Variants in SEC61A2 observed in about 807,000 individuals in gnomAD.
The protein encoded by SEC61A2 is SEC61 translocon subunit alpha 2, also known as protein transport protein Sec61 subunit alpha isoform 2.
SEC61A2 carries 28 observed loss-of-function variants against 59.9 expected under a neutral mutation model. That is an observed-to-expected ratio of 0.47 (90% confidence interval 0.35 to 0.64). The LOEUF is 0.64. Ranked by LOEUF, SEC61A2 falls within the 30% of genes least tolerant of loss-of-function variation. The probability of loss-of-function intolerance (pLI) is 0.01; values close to 1 mark genes in which losing one functional copy is unlikely to be tolerated. For missense variants in SEC61A2, 340 were observed against 585.9 expected (o/e 0.58, Z 4.33); for synonymous variants, 202 against 214.4 (o/e 0.94, Z 0.50).
In SEC61A2 at chr10:12,165,137, T is replaced by C. The variant is rs772904670; in HGVS notation, c.*683T>C. The C allele has an allele frequency of 4.1e-5, 40 of 985,548 alleles. No homozygotes were observed. Among genetic ancestry groups the C allele is most frequent in the Non-Finnish European group, 4.6e-5 (38 of 829,994 alleles). The allele number at this position is 985,548 out of a possible 1,614,324, so 61.1% of individuals were successfully genotyped here. ...CATCGTGCTGTTTGCCTGTATTGGC[T>C]ATGCCTTCTAACTCCAACCAGTCAC... On this transcript the variant is annotated 3_prime_UTR_variant, in exon 12 of 12. Coordinates refer to ENST00000298428, the MANE Select transcript of SEC61A2 (RefSeq NM_018144.4).
At chr10:12,133,183 GAC>G (rs1833802736) in intron 1 of SEC61A2, 56 bp from the exon 2 acceptor site, 1 of 863,118 alleles carries the variant, frequency 1.2e-6, no homozygotes, top group Non-Finnish European at 1.8e-6. Context: ...TTTCTAGAAA[GAC>G]AGATCTTTTT....
In SEC61A2 at chr10:12,129,760, T is replaced by A; in HGVS notation, c.-28T>A. ...GCGAAGGCAGCGCCGAGGCCGCGGT[T>A]TCCCCCTGGGCCTCCCCAGCAGCAG... On this transcript the variant is annotated 5_prime_UTR_variant, in exon 1 of 12. Transcript: ENST00000298428. The surrounding 1 kb of genome is among the most constrained non-coding windows in gnomAD (Gnocchi z 5.6). 1 of 1,489,786 alleles carries A rather than the reference T, an allele frequency of 6.7e-7. No individual in the cohort carries two copies. Among genetic ancestry groups the A allele is most frequent in the Non-Finnish European group, 8.9e-7 (1 of 1,124,802 alleles). 92.3% of individuals were successfully genotyped at this position (1,489,786 alleles called of 1,614,324 possible).
At position 12,153,771 on chromosome 10, in the gene SEC61A2, G is replaced by C; in HGVS notation, c.463-2007G>C. 3.7e-6 allele frequency: 6 copies of C among 1,610,946 alleles called. No individual in the cohort carries two copies. The highest frequency in any genetic ancestry group is 5.1e-6 in the Non-Finnish European group (6 of 1,179,278). ...AACATTGAAAATATGTGGATACACT[G>C]AAGAGCTATGATTGGATCAGTGTGT... is the stretch of plus-strand genomic sequence containing the variant. On this transcript the variant is annotated intron_variant, in intron 6 of 11. Coordinates refer to ENST00000298428, the MANE Select transcript of SEC61A2 (RefSeq NM_018144.4). This position sits in a 1 kb window ranked among gnomAD's most constrained non-coding sequence, Gnocchi z 5.2.
At chr10:12,138,414 A>C (rs969285437) in intron 3 of SEC61A2, among the ~76,000 whole-genome samples, 2 of 152,176 alleles carry the variant, frequency 1.3e-5, no homozygotes, top group Admixed American at 1.3e-4. Context: ...AGTAAAGTAC[A>C]CCTGTTTTTA....
In SEC61A2 at chr10:12,165,323, A is replaced by C; in HGVS notation, c.*869A>C. 1.0e-6 allele frequency: 1 copy of C among 984,182 alleles called. No homozygotes were observed. The highest frequency in any genetic ancestry group is 1.2e-6 in the Non-Finnish European group (1 of 828,738). 61.0% of individuals were successfully genotyped at this position (984,182 alleles called of 1,614,324 possible). A position where few individuals can be genotyped will look rare whatever the true frequency, so the allele number is the denominator to read the frequency against. On this transcript the variant is annotated 3_prime_UTR_variant, in exon 12 of 12. Transcript: ENST00000298428. ...CTGTTGTTGTACTCACAGCAGCAAC[A>C]TGAGTGTAAACAGTAGACAATAAAC...
intron 3 of SEC61A2, among the ~76,000 whole-genome samples, chr10:12,136,947 G>A (rs2131646935): frequency 6.6e-6 from 1 of 152,196 alleles, no homozygotes; most frequent in African/African-American, 2.4e-5. Flanking sequence ...TGTATTTTTA[G>A]TAGAGATGGG....
intron 4 of SEC61A2, among the ~76,000 whole-genome samples, chr10:12,146,571 G>A (rs922517947): frequency 1.3e-5 from 2 of 151,842 alleles, no homozygotes; most frequent in African/African-American, 2.4e-5. Flanking sequence ...AGGCTGGAGT[G>A]CAGTGGCGCG....
At chr10:12,157,753 G>A (rs533557702) in intron 8 of SEC61A2, among the ~76,000 whole-genome samples, 155 bp from the exon 9 acceptor site, 6 of 152,090 alleles carry the variant, frequency 3.9e-5, no homozygotes, top group Admixed American at 1.3e-4. Flanking sequence ...TGCCCGCCTC[G>A]GCCTCCCAAA....
rs529401603 is a variant in SEC61A2 at position 12,162,037 on chromosome 10, C to T, written c.1168-176C>T. The stretch of plus-strand genomic sequence containing the variant: ...CCGGTTTCATATGGGTAACATGGAG[C>T]GGAGGAGCACTGAAGCTTTGGTTTC... On this transcript the variant is annotated intron_variant, in intron 10 of 11. Transcript: ENST00000298428. This position sits in a 1 kb window ranked among gnomAD's most constrained non-coding sequence, Gnocchi z 6.1. Among the ~76,000 whole-genome samples, 95 of 152,168 alleles carry T rather than the reference C, an allele frequency of 6.2e-4. No individual in the cohort carries two copies. The highest frequency in any genetic ancestry group is 2.2e-3 in the African/African-American group (91 of 41,508).
At chr10:12,165,760 A>G (rs1010490172), downstream of SEC61A2, 1 of 152,216 alleles carries the variant, frequency 6.6e-6, no homozygotes, top group Non-Finnish European at 1.5e-5. Flanking sequence ...TAGGTGTGGT[A>G]TGTCTTACGT....
intron 3 of SEC61A2, among the ~76,000 whole-genome samples, chr10:12,136,568 G>T (rs1390530445): frequency 1.3e-5 from 2 of 152,060 alleles, no homozygotes; most frequent in Non-Finnish European, 2.9e-5. Flanking sequence ...TCTTCCTTGG[G>T]CTCCCAAGTA....
In SEC61A2 at chr10:12,129,701, G is replaced by A. The variant is rs1833680215; in HGVS notation, c.-87G>A. On this transcript the variant is annotated 5_prime_UTR_variant, in exon 1 of 12. Transcript: ENST00000298428. The surrounding 1 kb of genome is among the most constrained non-coding windows in gnomAD (Gnocchi z 5.6). ...CGCGGGGCCGGTAGGATCGCGTCGG[G>A]AGCCGGTACCGAGGCCCGAGCCGCG... 1.5e-6 allele frequency: 2 copies of A among 1,316,060 alleles called. No individual in the cohort carries two copies. The highest frequency in any genetic ancestry group is 6.2e-5 in the East Asian group (2 of 32,408). The allele number at this position is 1,316,060 out of a possible 1,614,324, so 81.5% of individuals were successfully genotyped here. A position where few individuals can be genotyped will look rare whatever the true frequency, so the allele number is the denominator to read the frequency against.
In SEC61A2 at chr10:12,149,924, A is replaced by G; in HGVS notation, c.425A>G (p.Glu142Gly). The G allele has an allele frequency of 6.2e-7, 1 of 1,613,988 alleles. No individual in the cohort carries two copies. Among genetic ancestry groups the G allele is most frequent in the Non-Finnish European group, 8.5e-7 (1 of 1,179,832 alleles). The stretch of plus-strand genomic sequence containing the variant: ...ACGGGGATGTATGGGGACCCTGCAG[A>G]AATGGGTGCCGGAATCTGTCTCCTG... ...VMTGMYGDPAEMGAGICLLII... is the reference protein window; with the variant it reads ...VMTGMYGDPAGMGAGICLLII... The change falls in exon 6 of 12, where the codon GAA becomes GGA. Residue 142 changes from glutamate to glycine, a missense_variant. Around this residue, in one of 3 missense-constraint regions of SEC61A2, gnomAD observed 283 missense variants for 483.2 expected, o/e 0.59. Coordinates refer to ENST00000298428, the MANE Select transcript of SEC61A2 (RefSeq NM_018144.4). The surrounding 1 kb of genome is among the most constrained non-coding windows in gnomAD (Gnocchi z 5.2).
intron 3 of SEC61A2, among the ~76,000 whole-genome samples, chr10:12,137,405 G>A (rs1833914287): frequency 6.6e-6 from 1 of 151,896 alleles, no homozygotes; most frequent in Admixed American, 6.6e-5. Flanking sequence ...CCCAAGCCCG[G>A]GTGATCTTCC....
Position 12,156,066 on chromosome 10 carries a change from A to C in SEC61A2, c.616+135A>C. On this transcript the variant is annotated intron_variant, in intron 7 of 11. Coordinates refer to ENST00000298428, the MANE Select transcript of SEC61A2 (RefSeq NM_018144.4). The surrounding 1 kb of genome is among the most constrained non-coding windows in gnomAD (Gnocchi z 5.2). ...GGATAAGGAATGCGAATTCTTCAAA[A>C]CTTAATGAGCAGAGATTTGTGGAGT... 1 of 835,578 alleles carries C rather than the reference A, an allele frequency of 1.2e-6. No homozygotes were observed. The highest frequency in any genetic ancestry group is 3.6e-4 in the Middle Eastern group (1 of 2,748). The allele number at this position is 835,578 out of a possible 1,614,324, so 51.8% of individuals were successfully genotyped here.
Position 12,154,415 on chromosome 10 carries a change from A to G in SEC61A2, c.463-1363A>G, listed in dbSNP as rs1433992191. 6.6e-6 allele frequency among the ~76,000 whole-genome samples: 1 copy of G among 152,120 alleles called. No individual in the cohort carries two copies. Among genetic ancestry groups the G allele is most frequent in the Non-Finnish European group, 1.5e-5 (1 of 68,018 alleles). On this transcript the variant is annotated intron_variant, in intron 6 of 11. Coordinates refer to ENST00000298428, the MANE Select transcript of SEC61A2 (RefSeq NM_018144.4). This position sits in a 1 kb window ranked among gnomAD's most constrained non-coding sequence, Gnocchi z 5.2. ...GGGACTCTGGAGAGGTCATTTCTCA[A>G]GGCCCATCACGATGCTTTCTGTGGC...
Position 12,162,471 on chromosome 10 carries a change from A to G in SEC61A2, c.1244+182A>G, listed in dbSNP as rs776182809. ...ACCAACACCTGAATTTTTCATTGAA[A>G]TTGTGAGCACTGCTCTGCTCATCCC... On this transcript the variant is annotated intron_variant, in intron 11 of 11. Transcript: ENST00000298428. This position sits in a 1 kb window ranked among gnomAD's most constrained non-coding sequence, Gnocchi z 6.1. 17 of 753,564 alleles carry G rather than the reference A, an allele frequency of 2.3e-5. No homozygotes were observed. The Admixed American group carries it at 2.9e-4, about 13-fold the overall frequency. 46.7% of individuals were successfully genotyped at this position (753,564 alleles called of 1,614,324 possible).
intron 3 of SEC61A2, among the ~76,000 whole-genome samples, chr10:12,141,932 T>G (rs1031464208): frequency 6.6e-6 from 1 of 152,106 alleles, no homozygotes; most frequent in Non-Finnish European, 1.5e-5. Flanking sequence ...ATCCAGTTTG[T>G]CAGTAGAGGG....
intron 6 of SEC61A2, among the ~76,000 whole-genome samples, chr10:12,151,316 CTTT>C (rs532543581): frequency 1.4e-5 from 2 of 138,128 alleles, no homozygotes; most frequent in Non-Finnish European, 3.1e-5. Flanking sequence ...TTTTTCTTTT[CTTT>C]TTTTTTTTTT....
Sources: allele counts gnomAD v4.1 joint callset (sites outside exome capture counted in the v4.1 genomes callset), GRCh38; gene constraint gnomAD v4.1.1; regional missense constraint gnomAD v4.1.1; non-coding constraint Gnocchi (gnomAD v3.1); transcripts MANE v1.5; gene names NCBI Gene and HGNC (gene_info 2026-07-23, HGNC 2026-07-21).